The following PDZD2 variants were observed in gnomAD, a reference collection of about 807,000 sequenced individuals.
PDZD2 encodes the protein PDZ domain-containing protein 2.
PDZD2 carries 90 observed loss-of-function variants against 220.7 expected under a neutral mutation model. That is an observed-to-expected ratio of 0.41 (90% CI 0.34 to 0.49). The LOEUF is 0.49. Ranked by LOEUF, PDZD2 falls within the 20% of genes least tolerant of loss-of-function variation. The pLI, the probability that PDZD2 is intolerant of heterozygous loss-of-function variation, is 0.28. For synonymous variants in PDZD2, 1,375 were observed against 1,450.5 expected, an observed-to-expected ratio of 0.95 and a Z score of 1.18; for missense variants, 3,174 against 3,608.5, an observed-to-expected ratio of 0.88 and a Z score of 3.08.
At chr5:31,802,789 G>T (rs566789278) in intron 2 of PDZD2, among the ~76,000 whole-genome samples, 3 of 151,998 alleles carry the variant, frequency 2.0e-5, no homozygotes, top group Non-Finnish European at 2.9e-5. Flanking sequence ...GCGTGGTGGC[G>T]GGTGCCTGTA....
intron 1 of PDZD2, among the ~76,000 whole-genome samples, chr5:31,709,993 A>G (rs1055136216): frequency 1.1e-4 from 17 of 152,152 alleles, no homozygotes; most frequent in Non-Finnish European, 7.3e-5. Flanking sequence ...TTCTCTAAAA[A>G]CTGGTTGAAA....
At chr5:31,709,433 G>A (rs1747982924) in intron 1 of PDZD2, among the ~76,000 whole-genome samples, 1 of 151,770 alleles carries the variant, frequency 6.6e-6, no homozygotes, top group South Asian at 2.1e-4. Flanking sequence ...GCTACAGTGA[G>A]CCTTATGGCA....
At chr5:31,910,369 C>T (rs1237767712) in intron 2 of PDZD2, among the ~76,000 whole-genome samples, 5 of 151,170 alleles carry the variant, frequency 3.3e-5, no homozygotes, top group Admixed American at 2.0e-4. Context: ...ACAGATGCCC[C>T]ACCACCATGC....
At chr5:31,984,730 G>A (rs952826947) in intron 3 of PDZD2, among the ~76,000 whole-genome samples, 1 of 152,094 alleles carries the variant, frequency 6.6e-6, no homozygotes, top group Non-Finnish European at 1.5e-5. Context: ...CTGGGGGCCT[G>A]AGTGAGAGGA....
intron 2 of PDZD2, among the ~76,000 whole-genome samples, chr5:31,883,191 AATT>A (rs2150338849): frequency 6.6e-6 from 1 of 151,300 alleles, no homozygotes; most frequent in South Asian, 2.1e-4. Context: ...TTTTGAGTGA[AATT>A]ATGAGTTTAT....
At chr5:31,682,150 A>T (rs1282534046) in intron 1 of PDZD2, among the ~76,000 whole-genome samples, 6 of 152,154 alleles carry the variant, frequency 3.9e-5, no homozygotes, top group Non-Finnish European at 2.9e-5. Context: ...GGTAGCAATG[A>T]TGGTCTGAAG....
At chr5:32,096,953 A>G (rs759720825) in intron 21 of PDZD2, among the ~76,000 whole-genome samples, 8 of 146,834 alleles carry the variant, frequency 5.4e-5, no homozygotes, top group Non-Finnish European at 1.0e-4. Flanking sequence ...CTCCCACCTC[A>G]GCCTCTTGAG....
At position 32,087,819 on chromosome 5, in the gene PDZD2, G is replaced by A; in HGVS notation, c.4371G>A (p.Gln1457=). Residue 1457 remains glutamine, a synonymous_variant, in exon 20 of 25, where the codon CAG becomes CAA. Coordinates refer to ENST00000438447, the MANE Select transcript of PDZD2 (RefSeq NM_178140.4). This position sits in a 1 kb window ranked among gnomAD's most constrained non-coding sequence, Gnocchi z 4.0. ...GDSGSQEGSA[Q]GHPPAGAGGG... ...GTGGCTCTCAGGAGGGCAGTGCTCAGGGCCACCCACCAGCCGGGGCTGGAG... is the reference window on the plus strand; with the variant it reads ...GTGGCTCTCAGGAGGGCAGTGCTCAAGGCCACCCACCAGCCGGGGCTGGAG... 6.2e-7 allele frequency: 1 copy of A among 1,612,772 alleles called. No individual in the cohort carries two copies. Among genetic ancestry groups the A allele is most frequent in the Non-Finnish European group, 8.5e-7 (1 of 1,179,672 alleles).
chr5:31,828,868 A>G (rs1034045954), intron 2 of PDZD2, among the ~76,000 whole-genome samples: 4 of 152,220 alleles, frequency 2.6e-5, no homozygotes, highest in African/African-American at 9.6e-5. Context: ...TATAGCCTAG[A>G]TACAAGTTCC....
chr5:31,796,566 C>A (rs753894908), intron 1 of PDZD2, among the ~76,000 whole-genome samples: 1 of 152,098 alleles, frequency 6.6e-6, no homozygotes, highest in Non-Finnish European at 1.5e-5. Flanking sequence ...GGGGAAGAAC[C>A]CTGATTGTCC....
chr5:31,679,067 T>G lies in PDZD2; in HGVS notation c.-361+39630T>G, dbSNP rs59996123. 1.1e-4 allele frequency among the ~76,000 whole-genome samples: 16 copies of G among 152,302 alleles called. No individual in the cohort carries two copies. The East Asian group carries it at 2.7e-3, about 26-fold the overall frequency. On this transcript the variant is annotated intron_variant, in intron 1 of 24. Coordinates refer to ENST00000438447, the MANE Select transcript of PDZD2 (RefSeq NM_178140.4). Reference sequence around the variant, plus strand: ...TGCCGGACTATTTGGGGAAGGGCGGTATGGGCAGGATAGTGGCCTCTGACT... The same window carrying G: ...TGCCGGACTATTTGGGGAAGGGCGGGATGGGCAGGATAGTGGCCTCTGACT...
At chr5:32,043,155 C>T (rs578096363) in intron 7 of PDZD2, among the ~76,000 whole-genome samples, 11 of 152,266 alleles carry the variant, frequency 7.2e-5, no homozygotes, top group Admixed American at 3.3e-4. Flanking sequence ...GGGGAGGGGG[C>T]GCTGGAGGGC....
At chr5:31,989,242 C>T (rs6863159) in intron 3 of PDZD2, among the ~76,000 whole-genome samples, 60,665 of 151,666 alleles carry the variant, frequency 0.4, 13,302 homozygotes, top group African/African-American at 0.59. Flanking sequence ...CCACTCTGCA[C>T]GGACAGCCAT....
chr5:32,058,166 A>G (rs1406627320), intron 12 of PDZD2, 63 bp downstream of exon 12: 10 of 845,108 alleles, frequency 1.2e-5, no homozygotes, highest in East Asian at 5.0e-5. Context: ...ATCTGTTGTT[A>G]GCTTAATTCT....
intron 2 of PDZD2, among the ~76,000 whole-genome samples, chr5:31,965,792 G>T (rs897199773): frequency 5.9e-5 from 9 of 152,056 alleles, no homozygotes; most frequent in African/African-American, 1.7e-4. Flanking sequence ...CCAGCTACTC[G>T]GGAGACTGAG....
intron 2 of PDZD2, among the ~76,000 whole-genome samples, chr5:31,921,198 A>G (rs1377312994): frequency 6.6e-6 from 1 of 152,198 alleles, no homozygotes; most frequent in Non-Finnish European, 1.5e-5. Flanking sequence ...AAGAAAGAAC[A>G]TAGGATTTGT....
intron 2 of PDZD2, among the ~76,000 whole-genome samples, chr5:31,957,213 T>C (rs894405002): frequency 6.6e-6 from 1 of 152,220 alleles, no homozygotes; most frequent in Non-Finnish European, 1.5e-5. Flanking sequence ...TGTTTACCTT[T>C]TTAAAAAATA....
chr5:31,891,357 C>G (rs571747611), intron 2 of PDZD2, among the ~76,000 whole-genome samples: 2 of 151,740 alleles, frequency 1.3e-5, no homozygotes, highest in Non-Finnish European at 2.9e-5. Flanking sequence ...ATTCTTGTTG[C>G]CCAGGCTGGA....
chr5:32,038,644 A>G (rs996128009), intron 7 of PDZD2, among the ~76,000 whole-genome samples: 1 of 152,200 alleles, frequency 6.6e-6, no homozygotes, highest in Non-Finnish European at 1.5e-5. Flanking sequence ...ATTTAAAAGG[A>G]AACACTTTTA....
Sources: gnomAD v4.1 joint callset for allele counts (sites outside exome capture counted in the v4.1 genomes callset) on GRCh38, gnomAD v4.1.1 for gene constraint, Gnocchi (gnomAD v3.1) non-coding constraint, MANE v1.5 for transcripts, NCBI Gene and HGNC (gene_info 2026-07-23, HGNC 2026-07-21) for gene names.